The following NBAS variants were observed in gnomAD, a reference collection of about 807,000 sequenced individuals.
The protein encoded by NBAS is NAG/BC035112 fusion.
NBAS carries 219 observed loss-of-function variants against 302.5 expected under a neutral mutation model. That is an observed-to-expected ratio of 0.72 (90% CI 0.65 to 0.81). The LOEUF is 0.81. Ranked by LOEUF, NBAS falls within the 30% of genes least tolerant of loss-of-function variation. The pLI, the probability that NBAS is intolerant of heterozygous loss-of-function variation, is 0.00. For synonymous variants in NBAS, 1,118 were observed against 1,021.6 expected (o/e 1.09, Z -1.80); for missense variants, 2,932 against 2,841.6 (o/e 1.03, Z -0.72).
At chr2:15,129,899 C>T in the NBAS span, among the ~76,000 whole-genome samples, 1 of 152,306 alleles carries the variant, frequency 6.6e-6, no homozygotes, top group African/African-American at 2.4e-5. Context: ...ATACAGTAAG[C>T]GCTCAGACAT....
rs199576049 is a variant in NBAS, at chr2:15,397,347, A to AT, written c.3072-873dup. ...AACTCCAGCAAGATCTTATGGTTTT[A>AT]TTTATTTTTTATTTTTTTTTCAGTA... On this transcript the variant is annotated intron_variant, in intron 26 of 51. Transcript: ENST00000281513. 1,732 of 240,204 alleles carry AT rather than the reference A, an allele frequency of 7.2e-3. 30 individuals are homozygous for AT. The highest frequency in any genetic ancestry group is 0.057 in the East Asian group (425 of 7,410). The allele number at this position is 240,204 out of a possible 1,614,324, so 14.9% of individuals were successfully genotyped here. A position where few individuals can be genotyped will look rare whatever the true frequency, so the allele number is the denominator to read the frequency against.
At chr2:15,231,731 G>A (rs1349504062) in intron 47 of NBAS, among the ~76,000 whole-genome samples, 1 of 152,022 alleles carries the variant, frequency 6.6e-6, no homozygotes, top group East Asian at 1.9e-4. Flanking sequence ...ATTACCAAAT[G>A]GAATTATGGG....
chr2:15,348,703 G>GA (rs1207223197), intron 35 of NBAS, among the ~76,000 whole-genome samples: 301 of 138,418 alleles, frequency 2.2e-3, no homozygotes, highest in East Asian at 9.5e-3. Flanking sequence ...TTCATTTTAG[G>GA]AAAAAAAAAA....
downstream of NBAS, among the ~76,000 whole-genome samples, chr2:15,162,791 A>T (rs1663927693): frequency 1.3e-5 from 2 of 152,186 alleles, no homozygotes; most frequent in Non-Finnish European, 2.9e-5. Flanking sequence ...TGTATGTGCC[A>T]TCTTCAGTTT....
intron 21 of NBAS, among the ~76,000 whole-genome samples, chr2:15,437,079 C>G (rs992869580): frequency 3.3e-5 from 5 of 151,986 alleles, no homozygotes; most frequent in Non-Finnish European, 7.4e-5. Flanking sequence ...TCTAAATTCC[C>G]AAAATGGTCT....
chr2:15,157,968 T>C, the NBAS span, among the ~76,000 whole-genome samples: 1 of 152,170 alleles, frequency 6.6e-6, no homozygotes, highest in Non-Finnish European at 1.5e-5. Flanking sequence ...TGAATAGTCC[T>C]GCTCCTAGTC....
At chr2:15,380,569 A>G (rs1485106210) in intron 29 of NBAS, among the ~76,000 whole-genome samples, 1 of 92,888 alleles carries the variant, frequency 1.1e-5, no homozygotes, top group African/African-American at 3.6e-5. Context: ...AAATTATTTA[A>G]ATAAAACAAG....
At chr2:14,889,146 T>C in the NBAS span, among the ~76,000 whole-genome samples, 3 of 152,342 alleles carry the variant, frequency 2.0e-5, no homozygotes, top group African/African-American at 4.8e-5. Context: ...AAGACATTTG[T>C]GTGTCCTTCT....
At chr2:14,936,772 G>A in the NBAS span, among the ~76,000 whole-genome samples, 1 of 152,190 alleles carries the variant, frequency 6.6e-6, no homozygotes, top group African/African-American at 2.4e-5. Flanking sequence ...GGGCACCAGA[G>A]AGAAACCTGC....
intron 38 of NBAS, among the ~76,000 whole-genome samples, chr2:15,312,718 C>G (rs1671336399): frequency 6.6e-6 from 1 of 152,174 alleles, no homozygotes; most frequent in Non-Finnish European, 1.5e-5. Context: ...ATTCTTTACC[C>G]AATAACTTTC....
intron 32 of NBAS, among the ~76,000 whole-genome samples, chr2:15,358,504 G>T (rs1345308741): frequency 1.3e-5 from 2 of 152,122 alleles, no homozygotes; most frequent in African/African-American, 4.8e-5. Context: ...GAGTGCAGTG[G>T]CACTATCACT....
the NBAS span, among the ~76,000 whole-genome samples, chr2:14,938,733 G>A: frequency 3.9e-5 from 6 of 152,102 alleles, no homozygotes; most frequent in Non-Finnish European, 8.8e-5. Context: ...TAAACACACC[G>A]TGTGATGATC....
At chr2:15,354,876 C>G (rs1448634855) in intron 33 of NBAS, among the ~76,000 whole-genome samples, 1 of 152,172 alleles carries the variant, frequency 6.6e-6, no homozygotes, top group African/African-American at 2.4e-5. Context: ...GCGGTGATAT[C>G]TGATCATCCT....
At chr2:15,547,622 C>A (rs1034977233) in intron 6 of NBAS, among the ~76,000 whole-genome samples, 11 of 152,146 alleles carry the variant, frequency 7.2e-5, no homozygotes, top group Admixed American at 5.9e-4. Flanking sequence ...GAGCAGGTAT[C>A]TAATGCCGAA....
At chr2:15,272,243 T>C (rs541497895) in intron 44 of NBAS, among the ~76,000 whole-genome samples, 12 of 152,328 alleles carry the variant, frequency 7.9e-5, no homozygotes, top group Non-Finnish European at 1.3e-4. Flanking sequence ...ACTCGAGAAT[T>C]AGCTTACCAG....
At chr2:15,169,328 AC>A (rs1179975676) in intron 51 of NBAS, among the ~76,000 whole-genome samples, 2 of 152,106 alleles carry the variant, frequency 1.3e-5, no homozygotes, top group Admixed American at 1.3e-4. Flanking sequence ...GGTTCAATGG[AC>A]TTGCTTTTGT....
the NBAS span, among the ~76,000 whole-genome samples, chr2:14,980,051 T>G: frequency 6.6e-6 from 1 of 152,056 alleles, no homozygotes; most frequent in Non-Finnish European, 1.5e-5. Context: ...ACAAAAAATG[T>G]AAAGACACAA....
chr2:15,235,327 G>A (rs1251104736), intron 45 of NBAS, among the ~76,000 whole-genome samples: 1 of 152,176 alleles, frequency 6.6e-6, no homozygotes, highest in East Asian at 1.9e-4. Context: ...GCAGAGCTAA[G>A]ATTAGAACCC....
At chr2:15,365,248 G>T (rs1459896772) in intron 32 of NBAS, among the ~76,000 whole-genome samples, 1 of 152,160 alleles carries the variant, frequency 6.6e-6, no homozygotes, top group African/African-American at 2.4e-5. Flanking sequence ...CTGTTACTAT[G>T]TTAACACATC....
Sources: allele counts gnomAD v4.1 joint callset (sites outside exome capture counted in the v4.1 genomes callset), GRCh38; gene constraint gnomAD v4.1.1; transcripts MANE v1.5; gene names NCBI Gene and HGNC (gene_info 2026-07-23, HGNC 2026-07-21).